The following SLC9A9 variants were observed in gnomAD, a reference collection of about 807,000 sequenced individuals.
The protein encoded by SLC9A9 is solute carrier family 9 member A9, also known as sodium/hydrogen exchanger 9.
SLC9A9 carries 62 observed loss-of-function variants against 77.8 expected under a neutral mutation model. The observed-to-expected ratio is 0.80, with a 90% CI of 0.65 to 0.98. The LOEUF (loss-of-function observed/expected upper bound fraction) is 0.98. Among genes scored for constraint, SLC9A9 ranks in the 50% least tolerant of loss-of-function variants. SLC9A9 has a pLI of 0.00. For missense variants in SLC9A9, 775 were observed against 774.9 expected, an observed-to-expected ratio of 1.00 and a Z score of 0.00; for synonymous variants, 320 against 283.5, an observed-to-expected ratio of 1.13 and a Z score of -1.29.
At position 143,574,161 on chromosome 3, in the gene SLC9A9, C is replaced by T. The variant is rs144088456; in HGVS notation, c.927G>A (p.Pro309=). The T allele has an allele frequency of 5.4e-5, 87 of 1,613,326 alleles. No homozygotes were observed. The highest frequency in any genetic ancestry group is 7.0e-5 in the Non-Finnish European group (82 of 1,179,578). ...GGAAAAACAGGCCGGTTTCCAGCAT[C>T]GGGAACTCACACAGCTTGGTAAATT... ...LTKFTKLCEF[P]MLETGLFFLL... Residue 309 remains proline, a synonymous_variant, in exon 8 of 16, where the codon CCG becomes CCA. Coordinates refer to ENST00000316549, the MANE Select transcript of SLC9A9 (RefSeq NM_173653.4).
chr3:143,629,017 T>C (rs1245019847), intron 6 of SLC9A9, among the ~76,000 whole-genome samples: 1 of 152,190 alleles, frequency 6.6e-6, no homozygotes, highest in African/African-American at 2.4e-5. Flanking sequence ...AACTATTTAG[T>C]CTTTTTGGGG....
chr3:143,830,829 A>C (rs944621159), intron 2 of SLC9A9, among the ~76,000 whole-genome samples: 1 of 152,206 alleles, frequency 6.6e-6, no homozygotes, highest in Non-Finnish European at 1.5e-5. Flanking sequence ...TCCAAAACAG[A>C]TAATCCAAAA....
intron 4 of SLC9A9, among the ~76,000 whole-genome samples, chr3:143,720,446 G>A (rs1396230013): frequency 2.0e-5 from 3 of 152,178 alleles, no homozygotes; most frequent in African/African-American, 7.2e-5. Context: ...GCCACCTGAG[G>A]AGAATACAGT....
At chr3:143,531,416 G>A (rs1038349378) in intron 9 of SLC9A9, among the ~76,000 whole-genome samples, 1 of 152,208 alleles carries the variant, frequency 6.6e-6, no homozygotes, top group Non-Finnish European at 1.5e-5. Context: ...TTTGGAGACA[G>A]AGATTCACAT....
At chr3:143,421,762 T>G (rs2034301349) in intron 12 of SLC9A9, among the ~76,000 whole-genome samples, 1 of 152,124 alleles carries the variant, frequency 6.6e-6, no homozygotes, top group African/African-American at 2.4e-5. Flanking sequence ...ACTAAAGAGC[T>G]TTTGCACAGC....
intron 5 of SLC9A9, among the ~76,000 whole-genome samples, chr3:143,662,739 C>T (rs2038999046): frequency 6.6e-6 from 1 of 151,894 alleles, no homozygotes; most frequent in South Asian, 2.1e-4. Context: ...GAGGTAGCAG[C>T]CAGGCTGGGG....
At chr3:143,684,418 C>T (rs1268819284) in intron 5 of SLC9A9, among the ~76,000 whole-genome samples, 3 of 152,010 alleles carry the variant, frequency 2.0e-5, no homozygotes, top group Non-Finnish European at 2.9e-5. Context: ...TTCCAGCTGG[C>T]TATGCAGGTT....
At chr3:143,705,066 G>GAT (rs1409822000) in intron 4 of SLC9A9, among the ~76,000 whole-genome samples, 3 of 121,618 alleles carry the variant, frequency 2.5e-5, no homozygotes, top group East Asian at 2.3e-4. Flanking sequence ...TAGATATATA[G>GAT]ATATATATAT....
At chr3:143,571,206 A>G (rs2037253337) in intron 8 of SLC9A9, among the ~76,000 whole-genome samples, 1 of 152,178 alleles carries the variant, frequency 6.6e-6, no homozygotes, top group Non-Finnish European at 1.5e-5. Flanking sequence ...GTTGTTAGTG[A>G]ACCCATACAA....
intron 5 of SLC9A9, among the ~76,000 whole-genome samples, chr3:143,660,027 C>T (rs1464182342): frequency 1.3e-5 from 2 of 152,186 alleles, no homozygotes; most frequent in East Asian, 3.8e-4. Context: ...TTGCCTTCCA[C>T]CATGATTGTG....
At chr3:143,694,116 A>T (rs183138999) in intron 4 of SLC9A9, among the ~76,000 whole-genome samples, 1 of 152,298 alleles carries the variant, frequency 6.6e-6, no homozygotes, top group Admixed American at 6.5e-5. Flanking sequence ...AAGAGTCTTT[A>T]GAAACTATAG....
chr3:143,497,573 GCAGC>G (rs2108594092), intron 9 of SLC9A9, among the ~76,000 whole-genome samples: 1 of 152,280 alleles, frequency 6.6e-6, no homozygotes, highest in South Asian at 2.1e-4. Flanking sequence ...GAAGCTGCTG[GCAGC>G]CATTTTGGGA....
At chr3:143,570,088 G>A (rs2037234325) in intron 8 of SLC9A9, among the ~76,000 whole-genome samples, 1 of 151,814 alleles carries the variant, frequency 6.6e-6, no homozygotes, top group African/African-American at 2.4e-5. Flanking sequence ...TTATAGAAAT[G>A]CATCATTGGT....
chr3:143,509,676 G>C (rs974369370), intron 9 of SLC9A9, among the ~76,000 whole-genome samples: 5 of 152,108 alleles, frequency 3.3e-5, no homozygotes, highest in Non-Finnish European at 7.4e-5. Flanking sequence ...TTTTGTTTTT[G>C]TTCCAATCTG....
chr3:143,555,519 G>A (rs2036964987), intron 8 of SLC9A9, among the ~76,000 whole-genome samples: 1 of 152,154 alleles, frequency 6.6e-6, no homozygotes. Context: ...GAACAAGTAA[G>A]ACACTAAAGT....
chr3:143,321,130 CTGT>C (rs1486299888), intron 14 of SLC9A9, among the ~76,000 whole-genome samples: 1 of 152,216 alleles, frequency 6.6e-6, no homozygotes, highest in Admixed American at 6.5e-5. Flanking sequence ...GAATACATTT[CTGT>C]TGTTTTAAGC....
At chr3:143,836,483 T>C (rs2009573076) in intron 1 of SLC9A9, among the ~76,000 whole-genome samples, 1 of 152,194 alleles carries the variant, frequency 6.6e-6, no homozygotes, top group Admixed American at 6.5e-5. Flanking sequence ...TTTTAAAGTG[T>C]CACAAATAAG....
chr3:143,345,241 C>T (rs1164792004), intron 14 of SLC9A9, among the ~76,000 whole-genome samples: 3 of 151,968 alleles, frequency 2.0e-5, no homozygotes, highest in South Asian at 4.2e-4. Flanking sequence ...GATGGAATCA[C>T]CTAGAAATAG....
chr3:143,421,210 T>A (rs2034291207), intron 12 of SLC9A9, among the ~76,000 whole-genome samples: 1 of 152,164 alleles, frequency 6.6e-6, no homozygotes, highest in Non-Finnish European at 1.5e-5. Flanking sequence ...ATCTACAGAT[T>A]CAATGCTATT....
Sources: gnomAD v4.1 joint callset for allele counts (sites outside exome capture counted in the v4.1 genomes callset) on GRCh38, gnomAD v4.1.1 for gene constraint, MANE v1.5 for transcripts, NCBI Gene and HGNC (gene_info 2026-07-23, HGNC 2026-07-21) for gene names.